The following EEIG1 variants were observed in gnomAD, a reference collection of about 807,000 sequenced individuals.
The protein encoded by EEIG1 is estrogen-induced osteoclastogenesis regulator 1.
the EEIG1 span, chr9:127,980,321 G>T: frequency 1.7e-6 from 1 of 581,476 alleles, no homozygotes; most frequent in Non-Finnish European, 2.9e-6. Context: ...CCAGTTCGCG[G>T]GCCGGCGGGC....
the EEIG1 span, among the ~76,000 whole-genome samples, chr9:127,975,698 A>T: frequency 1.3e-5 from 2 of 152,108 alleles, no homozygotes; most frequent in Non-Finnish European, 2.9e-5. Flanking sequence ...CTATGAGGTA[A>T]GTCAGTGCCT....
the EEIG1 span, among the ~76,000 whole-genome samples, chr9:127,953,008 T>C: frequency 6.6e-6 from 1 of 152,090 alleles, no homozygotes; most frequent in Non-Finnish European, 1.5e-5. Flanking sequence ...TGAGCCACCA[T>C]GCCCAGCCGT....
At chr9:127,950,404 G>C in the EEIG1 span, 1 of 1,612,658 alleles carries the variant, frequency 6.2e-7, no homozygotes, top group Non-Finnish European at 8.5e-7. Context: ...GGTGGCAGAG[G>C]TGGCAGGATC....
At chr9:127,980,315 T>G in the EEIG1 span, 1 of 597,740 alleles carries the variant, frequency 1.7e-6, no homozygotes, top group Non-Finnish European at 2.8e-6. Context: ...ACCAGTCCAG[T>G]TCGCGGGCCG....
chr9:127,944,865 G>C, the EEIG1 span: 1 of 1,612,446 alleles, frequency 6.2e-7, no homozygotes, highest in Non-Finnish European at 8.5e-7. Flanking sequence ...CGTCCACCCA[G>C]GTCGGGTGGC....
the EEIG1 span, chr9:127,950,716 C>A: frequency 7.1e-7 from 1 of 1,400,148 alleles, no homozygotes; most frequent in African/African-American, 1.5e-5. Flanking sequence ...GGCCCCGGGT[C>A]GGCAGCACCA....
the EEIG1 span, among the ~76,000 whole-genome samples, chr9:127,958,347 T>C: frequency 6.6e-6 from 1 of 152,152 alleles, no homozygotes; most frequent in Non-Finnish European, 1.5e-5. Context: ...AAGAAAAATA[T>C]AGATATATTG....
the EEIG1 span, chr9:127,950,381 A>T: frequency 6.2e-7 from 1 of 1,601,852 alleles, no homozygotes; most frequent in Non-Finnish European, 8.5e-7. Flanking sequence ...GTTTGTCCCC[A>T]TCCCGTGGTC....
the EEIG1 span, among the ~76,000 whole-genome samples, chr9:127,968,968 T>C: frequency 3.6e-4 from 55 of 152,318 alleles, no homozygotes; most frequent in African/African-American, 1.3e-3. Context: ...TCCACACATA[T>C]GTACTGAGCA....
chr9:127,980,456 G>C, the EEIG1 span: 1 of 188,222 alleles, frequency 5.3e-6, no homozygotes, highest in African/African-American at 2.3e-5. Flanking sequence ...GCGCGCGAGC[G>C]GCCGCGCTGG....
At chr9:127,980,483 A>C in the EEIG1 span, 132,895 of 162,448 alleles carry the variant, frequency 0.82, 54,999 homozygotes, top group Non-Finnish European at 0.88. Context: ...GCATCCCGAG[A>C]CGCGATGTCC....
the EEIG1 span, among the ~76,000 whole-genome samples, chr9:127,971,286 A>G: frequency 6.6e-6 from 1 of 152,198 alleles, no homozygotes; most frequent in Non-Finnish European, 1.5e-5. Flanking sequence ...CTTTAGCCAC[A>G]GTCACAGGGA....
chr9:127,977,575 G>A, the EEIG1 span, among the ~76,000 whole-genome samples: 7 of 152,148 alleles, frequency 4.6e-5, no homozygotes, highest in African/African-American at 1.7e-4. Context: ...CCAAAGACCC[G>A]GAAAGGGCTG....
the EEIG1 span, among the ~76,000 whole-genome samples, chr9:127,957,119 C>T: frequency 1.3e-5 from 2 of 152,116 alleles, no homozygotes; most frequent in Non-Finnish European, 2.9e-5. Flanking sequence ...GTTCCAGCTA[C>T]TCAGGAGGTT....
the EEIG1 span, among the ~76,000 whole-genome samples, chr9:127,959,988 C>T: frequency 9.2e-5 from 14 of 152,282 alleles, no homozygotes; most frequent in South Asian, 2.7e-3. Flanking sequence ...TAACTGTACA[C>T]TTTAAATGGG....
chr9:127,941,263 A>C, the EEIG1 span: 1 of 152,290 alleles, frequency 6.6e-6, no homozygotes, highest in African/African-American at 2.4e-5. Flanking sequence ...TCTCCCCAAC[A>C]GCGCCAAAGC....
At chr9:127,945,740 T>A in the EEIG1 span, 1 of 1,568,028 alleles carries the variant, frequency 6.4e-7, no homozygotes, top group South Asian at 1.2e-5. The surrounding 1 kb of genome is among the most constrained non-coding windows in gnomAD (Gnocchi z 6.5). Context: ...TCTGGTCGGG[T>A]TCCTCTGGCA....
the EEIG1 span, among the ~76,000 whole-genome samples, chr9:127,946,031 C>T: frequency 1.1e-4 from 17 of 152,348 alleles, no homozygotes; most frequent in East Asian, 2.5e-3. Context: ...TACCCACAAC[C>T]GCAGTGAGAG....
the EEIG1 span, among the ~76,000 whole-genome samples, chr9:127,961,293 G>A: frequency 6.6e-6 from 1 of 152,048 alleles, no homozygotes; most frequent in African/African-American, 2.4e-5. Context: ...TGGCATGCAT[G>A]GGGCATGATC....
Sources: allele counts gnomAD v4.1 joint callset (sites outside exome capture counted in the v4.1 genomes callset), GRCh38; gene constraint gnomAD v4.1.1; non-coding constraint Gnocchi (gnomAD v3.1); transcripts MANE v1.5; gene names NCBI Gene and HGNC (gene_info 2026-07-23, HGNC 2026-07-21).